The following STK17B variants were observed in gnomAD, a reference collection of about 807,000 sequenced individuals.
STK17B encodes serine/threonine-protein kinase 17B.
STK17B carries 21 observed loss-of-function variants against 42.0 expected under a neutral mutation model. The observed-to-expected ratio is 0.50, with a 90% CI of 0.35 to 0.72. The LOEUF (loss-of-function observed/expected upper bound fraction) is 0.72. Ranked by LOEUF, STK17B falls within the 30% of genes least tolerant of loss-of-function variation. The probability of loss-of-function intolerance (pLI) is 0.00; values close to 1 mark genes in which losing one functional copy is unlikely to be tolerated. For synonymous variants in STK17B, 143 were observed against 148.4 expected, an observed-to-expected ratio of 0.96 and a Z score of 0.26; for missense variants, 349 against 446.0, an observed-to-expected ratio of 0.78 and a Z score of 1.96.
chr2:196,146,062 T>C lies in STK17B; in HGVS notation c.336-7A>G, dbSNP rs1003026731. The C allele has an allele frequency of 6.3e-7, 1 of 1,574,894 alleles. No homozygotes were observed. The highest frequency in any genetic ancestry group is 2.3e-5 in the East Asian group (1 of 44,154). On this transcript the variant is annotated splice_region_variant and splice_polypyrimidine_tract_variant and intron_variant, in intron 3 of 7. Transcript: ENST00000263955. Reference sequence around the variant, plus strand: ...AATTTCTCCACCTGCAGCACTAAAATAAAATTCAAAGAACAGAGACTTGAA... The same window carrying C: ...AATTTCTCCACCTGCAGCACTAAAACAAAATTCAAAGAACAGAGACTTGAA...
chr2:196,148,228 G>A (rs1173571793), intron 3 of STK17B, among the ~76,000 whole-genome samples: 3 of 152,008 alleles, frequency 2.0e-5, no homozygotes, highest in Non-Finnish European at 2.9e-5. Context: ...ACTGCCTAGC[G>A]GCCCTTGGTC....
chr2:196,171,645 A>G (rs1699946519), upstream of STK17B: 1 of 150,132 alleles, frequency 6.7e-6, no homozygotes, highest in African/African-American at 2.4e-5. Flanking sequence ...GGGAGAGCCA[A>G]TCGGAACGGG....
At chr2:196,170,161 G>C (rs1022151422) in intron 1 of STK17B, among the ~76,000 whole-genome samples, 3 of 151,408 alleles carry the variant, frequency 2.0e-5, no homozygotes, top group African/African-American at 4.9e-5. Flanking sequence ...CTAAAAAACA[G>C]TGTTATCAAT....
intron 2 of STK17B, among the ~76,000 whole-genome samples, chr2:196,161,614 G>A (rs909323302): frequency 3.3e-5 from 5 of 149,384 alleles, no homozygotes. Flanking sequence ...CACCTGCCGG[G>A]TTCAAGTGAT....
At chr2:196,147,945 G>T (rs1034040042) in intron 3 of STK17B, among the ~76,000 whole-genome samples, 10 of 152,028 alleles carry the variant, frequency 6.6e-5, no homozygotes, top group African/African-American at 1.9e-4. Flanking sequence ...GGCCAGGATG[G>T]TCTCGATCTC....
intron 3 of STK17B, chr2:196,154,078 A>G (rs1401733163): frequency 6.6e-6 from 1 of 152,170 alleles, no homozygotes; most frequent in Admixed American, 6.5e-5. Flanking sequence ...CTAGTAACAT[A>G]CAAAAAATTG....
intron 1 of STK17B, among the ~76,000 whole-genome samples, chr2:196,163,908 T>C (rs1442801971): frequency 1.3e-5 from 2 of 151,578 alleles, no homozygotes; most frequent in Non-Finnish European, 2.9e-5. Context: ...GTGTAGTGGC[T>C]CGCACCTGTA....
Position 196,139,815 on chromosome 2 carries a change from G to C in STK17B, c.657-16C>G. On this transcript the variant is annotated splice_polypyrimidine_tract_variant and intron_variant, in intron 6 of 7. Coordinates refer to ENST00000263955, the MANE Select transcript of STK17B (RefSeq NM_004226.4). ...ACCAATATTCCTGAAAAACAAGGGA[G>C]GGGAACTTAAAATGTATGTTAATTT... 1 of 1,338,830 alleles carries C rather than the reference G, an allele frequency of 7.5e-7. No homozygotes were observed. 82.9% of individuals were successfully genotyped at this position (1,338,830 alleles called of 1,614,324 possible). A position where few individuals can be genotyped will look rare whatever the true frequency, so the allele number is the denominator to read the frequency against.
At chr2:196,138,865 C>A (rs1201297689) in intron 7 of STK17B, among the ~76,000 whole-genome samples, 1 of 152,094 alleles carries the variant, frequency 6.6e-6, no homozygotes, top group African/African-American at 2.4e-5. Context: ...TGAGCCACCT[C>A]GCTCAGCTGA....
intron 2 of STK17B, among the ~76,000 whole-genome samples, chr2:196,158,518 GCA>G (rs1048712646): frequency 6.6e-6 from 1 of 151,994 alleles, no homozygotes; most frequent in African/African-American, 2.4e-5. Flanking sequence ...GTTTCGATGA[GCA>G]CACACACACA....
intron 3 of STK17B, among the ~76,000 whole-genome samples, chr2:196,147,736 AT>A (rs71009081): frequency 0.027 from 4,057 of 148,770 alleles, 171 homozygotes; most frequent in African/African-American, 0.094. Context: ...GACATAATAT[AT>A]TTTTTTTTTT....
intron 2 of STK17B, 78 bp downstream of exon 2, chr2:196,163,184 A>T: frequency 2.7e-6 from 4 of 1,504,652 alleles, no homozygotes; most frequent in Non-Finnish European, 3.6e-6. Context: ...AATGATCCCA[A>T]GTGAGTTTTA....
At chr2:196,157,153 A>G (rs567470863) in intron 2 of STK17B, among the ~76,000 whole-genome samples, 1 of 130,590 alleles carries the variant, frequency 7.7e-6, no homozygotes, top group African/African-American at 2.6e-5. Context: ...CTGTCTCAAA[A>G]AAAAAATAAA....
chr2:196,140,773 C>T (rs1339892900), intron 6 of STK17B, among the ~76,000 whole-genome samples: 1 of 151,984 alleles, frequency 6.6e-6, no homozygotes, highest in East Asian at 1.9e-4. Flanking sequence ...CTATGTTGGC[C>T]AGGCTGGTCT....
At position 196,135,867 on chromosome 2, in the gene STK17B, T is replaced by TGTA. The variant is rs1193131951; in HGVS notation, c.*1577_*1579dup. The TGTA allele has an allele frequency of 8.3e-6, 1 of 121,206 alleles. No individual in the cohort carries two copies. The highest frequency in any genetic ancestry group is 1.9e-5 in the Non-Finnish European group (1 of 51,640). The allele number at this position is 121,206 out of a possible 1,614,324, so 7.5% of individuals were successfully genotyped here. On this transcript the variant is annotated 3_prime_UTR_variant, in exon 8 of 8. Coordinates refer to ENST00000263955, the MANE Select transcript of STK17B (RefSeq NM_004226.4). ...AGAATCTTGAAAAGTGTCTAAAGAA[T>TGTA]GTATTGTATCTATCTATAGATATAT...
chr2:196,139,508 T>C (rs1699461654), intron 7 of STK17B, 112 bp downstream of exon 7: 1 of 694,454 alleles, frequency 1.4e-6, no homozygotes, highest in Non-Finnish European at 2.0e-6. Context: ...ATATTTCTAA[T>C]AATTTTATAC....
In STK17B at chr2:196,137,342, T is replaced by G. The variant is rs1699420588; in HGVS notation, c.*105A>C. ...TTCCCTAAATTATTCCATGGAAAAGTGCATTTACAATATAAACATGTCATA... is the reference window on the plus strand; with the variant it reads ...TTCCCTAAATTATTCCATGGAAAAGGGCATTTACAATATAAACATGTCATA... On this transcript the variant is annotated 3_prime_UTR_variant, in exon 8 of 8. Transcript: ENST00000263955. 3 of 1,221,590 alleles carry G rather than the reference T, an allele frequency of 2.5e-6. No homozygotes were observed. The highest frequency in any genetic ancestry group is 3.4e-6 in the Non-Finnish European group (3 of 890,116). 75.7% of individuals were successfully genotyped at this position (1,221,590 alleles called of 1,614,324 possible).
chr2:196,146,157 T>A, intron 3 of STK17B, 102 bp from the exon 4 acceptor site: 1 of 1,213,806 alleles, frequency 8.2e-7, no homozygotes. Context: ...TATATAAATG[T>A]TAATACGTTA....
chr2:196,137,109 C>A lies in STK17B; in HGVS notation c.*338G>T. 1 of 236,260 alleles carries A rather than the reference C, an allele frequency of 4.2e-6. No homozygotes were observed. The highest frequency in any genetic ancestry group is 8.3e-6 in the Non-Finnish European group (1 of 120,944). 14.6% of individuals were successfully genotyped at this position (236,260 alleles called of 1,614,324 possible). A position where few individuals can be genotyped will look rare whatever the true frequency, so the allele number is the denominator to read the frequency against. On this transcript the variant is annotated 3_prime_UTR_variant, in exon 8 of 8. Coordinates refer to ENST00000263955, the MANE Select transcript of STK17B (RefSeq NM_004226.4). ...TGTCTTCACTGTGTTCAGTTTACACCAACTATAATAAAACTCAAGCCACTT... is the reference window on the plus strand; with the variant it reads ...TGTCTTCACTGTGTTCAGTTTACACAAACTATAATAAAACTCAAGCCACTT...
Sources: allele counts gnomAD v4.1 joint callset (sites outside exome capture counted in the v4.1 genomes callset), GRCh38; gene constraint gnomAD v4.1.1; transcripts MANE v1.5; gene names NCBI Gene and HGNC (gene_info 2026-07-23, HGNC 2026-07-21).